The following IRAK1BP1 variants were observed in gnomAD, a reference collection of about 807,000 sequenced individuals.
The protein encoded by IRAK1BP1 is interleukin-1 receptor-associated kinase 1-binding protein 1.
Under a neutral mutation model 28.0 loss-of-function variants are expected in IRAK1BP1, and 24 were observed. That is an observed-to-expected ratio of 0.86 (90% CI 0.62 to 1.20). The LOEUF (loss-of-function observed/expected upper bound fraction) is 1.20. Among genes scored for constraint, IRAK1BP1 ranks in the 50% most tolerant of loss-of-function variants. IRAK1BP1 has a pLI of 0.00. For missense variants in IRAK1BP1, 336 were observed against 316.7 expected, an observed-to-expected ratio of 1.06 and a Z score of -0.46; for synonymous variants, 131 against 116.3, an observed-to-expected ratio of 1.13 and a Z score of -0.81.
chr6:78,969,129 C>T, the IRAK1BP1 span, among the ~76,000 whole-genome samples: 3 of 152,142 alleles, frequency 2.0e-5, no homozygotes, highest in Admixed American at 2.0e-4. Flanking sequence ...CTTCCATGTC[C>T]ATAATTTTGA....
chr6:78,869,429 A>G (rs1039041658), intron 1 of IRAK1BP1, among the ~76,000 whole-genome samples: 1 of 152,212 alleles, frequency 6.6e-6, no homozygotes, highest in Non-Finnish European at 1.5e-5. Context: ...CTGAGGCAGG[A>G]AAATCTCTTG....
the IRAK1BP1 span, among the ~76,000 whole-genome samples, chr6:78,962,368 G>A: frequency 3.3e-5 from 5 of 152,002 alleles, no homozygotes; most frequent in Non-Finnish European, 2.9e-5. Flanking sequence ...TTGCTCATTC[G>A]CATATAATAC....
chr6:78,930,702 C>T (rs558687432), intron 4 of IRAK1BP1, among the ~76,000 whole-genome samples: 15 of 152,030 alleles, frequency 9.9e-5, no homozygotes, highest in Non-Finnish European at 1.6e-4. Context: ...GAGGCCGAGG[C>T]GGGCGGATCA....
the IRAK1BP1 span, among the ~76,000 whole-genome samples, chr6:78,969,170 C>T: frequency 3.3e-5 from 5 of 152,150 alleles, no homozygotes; most frequent in African/African-American, 1.2e-4. Flanking sequence ...TTTCTCCTTA[C>T]AGAGCACATA....
At chr6:78,947,685 A>G (rs1399032960), downstream of IRAK1BP1, 1 of 1,541,566 alleles carries the variant, frequency 6.5e-7, no homozygotes, top group South Asian at 1.1e-5. Context: ...ACATCTTTAC[A>G]TAACTCCATT....
chr6:78,967,579 G>A, the IRAK1BP1 span, among the ~76,000 whole-genome samples: 1 of 152,214 alleles, frequency 6.6e-6, no homozygotes, highest in Non-Finnish European at 1.5e-5. Context: ...TTAAATGGCA[G>A]TCGGTGGGTG....
At chr6:78,969,810 G>T in the IRAK1BP1 span, 933 of 1,138,374 alleles carry the variant, frequency 8.2e-4, 12 homozygotes, top group Admixed American at 6.9e-3. Flanking sequence ...ATCAAACATC[G>T]ATAGCTTCTA....
At chr6:78,938,607 A>G (rs905369874) in intron 4 of IRAK1BP1, 5 of 151,696 alleles carry the variant, frequency 3.3e-5, no homozygotes, top group Non-Finnish European at 7.4e-5. Context: ...TGAAAGACTC[A>G]TTTTTCTATA....
chr6:78,975,413 T>C, the IRAK1BP1 span, among the ~76,000 whole-genome samples: 49 of 152,252 alleles, frequency 3.2e-4, no homozygotes, highest in Admixed American at 1.9e-3. Context: ...CCACAGCCAA[T>C]ATCATACTGA....
the IRAK1BP1 span, among the ~76,000 whole-genome samples, chr6:78,974,446 C>T: frequency 6.6e-6 from 1 of 151,554 alleles, no homozygotes; most frequent in Admixed American, 6.6e-5. Context: ...AATTGACACC[C>T]TAACATCACA....
intron 1 of IRAK1BP1, among the ~76,000 whole-genome samples, chr6:78,873,178 C>T (rs913924262): frequency 2.2e-5 from 3 of 137,466 alleles, no homozygotes; most frequent in Non-Finnish European, 4.5e-5. Context: ...TCACTTGAGC[C>T]CAGGAGGCAG....
the IRAK1BP1 span, among the ~76,000 whole-genome samples, chr6:78,953,351 G>A: frequency 1.3e-5 from 2 of 152,152 alleles, no homozygotes; most frequent in Admixed American, 6.5e-5. Context: ...TAATACTTGT[G>A]CCTCTAGAAT....
At chr6:78,910,014 G>T (rs556926444) in intron 4 of IRAK1BP1, among the ~76,000 whole-genome samples, 2 of 152,260 alleles carry the variant, frequency 1.3e-5, no homozygotes, top group African/African-American at 4.8e-5. Flanking sequence ...TCACAAACAT[G>T]GACACAAGGA....
At chr6:78,924,535 G>T (rs577674414) in intron 4 of IRAK1BP1, among the ~76,000 whole-genome samples, 4 of 152,118 alleles carry the variant, frequency 2.6e-5, no homozygotes, top group Non-Finnish European at 4.4e-5. Context: ...CCAATCAATA[G>T]AAAAAGAGGG....
chr6:78,977,290 A>G, the IRAK1BP1 span, among the ~76,000 whole-genome samples: 3 of 149,144 alleles, frequency 2.0e-5, no homozygotes, highest in Non-Finnish European at 4.5e-5. Context: ...AAAACCAAAC[A>G]CCGCATATTC....
intron 1 of IRAK1BP1, among the ~76,000 whole-genome samples, chr6:78,878,244 G>C (rs1250757655): frequency 6.6e-6 from 1 of 152,210 alleles, no homozygotes; most frequent in Admixed American, 6.5e-5. Context: ...GCACCTCCCA[G>C]TAGGGGCCAA....
the IRAK1BP1 span, chr6:78,956,457 G>C: frequency 6.6e-6 from 1 of 152,030 alleles, no homozygotes; most frequent in African/African-American, 2.4e-5. Flanking sequence ...AATTAAATTA[G>C]ACACTGCAGT....
chr6:78,932,421 C>CTTTTTTTTTTTTTTTTT (rs386407659), intron 4 of IRAK1BP1, among the ~76,000 whole-genome samples: 9 of 123,698 alleles, frequency 7.3e-5, no homozygotes, highest in Non-Finnish European at 1.3e-4. Flanking sequence ...CTTTCTTTTT[C>CTTTTTTTTTTTTTTTTT]TTTTTTTTTT....
intron 1 of IRAK1BP1, among the ~76,000 whole-genome samples, chr6:78,879,331 G>C (rs9341755): frequency 0.89 from 135,796 of 152,062 alleles, 60,667 homozygotes; most frequent in Admixed American, 0.9. Flanking sequence ...CACATGTACT[G>C]TAGAACTTAA....
Sources: allele counts gnomAD v4.1 joint callset (sites outside exome capture counted in the v4.1 genomes callset), GRCh38; gene constraint gnomAD v4.1.1; transcripts MANE v1.5; gene names NCBI Gene and HGNC (gene_info 2026-07-23, HGNC 2026-07-21).